Variants in SMYD3 observed in about 807,000 individuals in gnomAD.
SMYD3 encodes the protein histone-lysine N-methyltransferase SMYD3.
In SMYD3, 36 loss-of-function variants were observed where a neutral mutation model predicts 57.7. The observed-to-expected ratio is 0.62, with a 90% confidence interval of 0.48 to 0.82. The LOEUF is 0.82. SMYD3 is among the 40% of genes least tolerant of loss of function. The pLI is 0.00. For synonymous variants in SMYD3, 211 were observed against 195.0 expected (o/e 1.08, Z -0.68); for missense variants, 515 against 538.8 (o/e 0.96, Z 0.44).
intron 5 of SMYD3, among the ~76,000 whole-genome samples, chr1:246,299,675 A>T (rs1439361257): frequency 6.6e-6 from 1 of 152,122 alleles, no homozygotes; most frequent in Non-Finnish European, 1.5e-5. Flanking sequence ...AGGAGATGGT[A>T]TCCTTTGCAA....
At chr1:245,891,453 C>A (rs2053380584) in intron 8 of SMYD3, among the ~76,000 whole-genome samples, 1 of 152,142 alleles carries the variant, frequency 6.6e-6, no homozygotes, top group South Asian at 2.1e-4. Flanking sequence ...CAGAGACAGC[C>A]CAGGATGACA....
At chr1:245,793,307 A>C (rs2047380148) in intron 10 of SMYD3, among the ~76,000 whole-genome samples, 1 of 151,980 alleles carries the variant, frequency 6.6e-6, no homozygotes, top group Non-Finnish European at 1.5e-5. Context: ...TCCCAAAAAA[A>C]AAAACAACAA....
At chr1:246,320,977 A>G (rs751860272) in intron 5 of SMYD3, among the ~76,000 whole-genome samples, 2 of 152,232 alleles carry the variant, frequency 1.3e-5, no homozygotes, top group East Asian at 3.8e-4. Flanking sequence ...CTACTTTTAC[A>G]TTTCCCACGT....
At chr1:246,497,180 C>G (rs1230964966) in intron 1 of SMYD3, among the ~76,000 whole-genome samples, 1 of 152,204 alleles carries the variant, frequency 6.6e-6, no homozygotes, top group Non-Finnish European at 1.5e-5. Context: ...CCCTCCAGAT[C>G]ATACCAACTC....
At chr1:246,413,049 TC>T (rs1340817561) in intron 1 of SMYD3, among the ~76,000 whole-genome samples, 6 of 152,176 alleles carry the variant, frequency 3.9e-5, no homozygotes, top group Admixed American at 1.3e-4. Flanking sequence ...ACCTCCACCC[TC>T]ACCCTCAACC....
intron 5 of SMYD3, among the ~76,000 whole-genome samples, chr1:246,178,144 G>A (rs1004058999): frequency 2.0e-4 from 31 of 152,202 alleles, no homozygotes; most frequent in African/African-American, 7.0e-4. Flanking sequence ...AATGGCAGGA[G>A]GAGGGAGCTT....
At chr1:246,455,157 A>C (rs1311681990) in intron 1 of SMYD3, among the ~76,000 whole-genome samples, 2 of 152,196 alleles carry the variant, frequency 1.3e-5, no homozygotes, top group African/African-American at 4.8e-5. Context: ...CCCTGATCTG[A>C]AAGAGCTCAT....
chr1:246,101,778 G>A (rs988288301), intron 5 of SMYD3, among the ~76,000 whole-genome samples: 1 of 152,142 alleles, frequency 6.6e-6, no homozygotes, highest in Non-Finnish European at 1.5e-5. Flanking sequence ...ACTCTTCCCG[G>A]TAGGCAAGCG....
intron 1 of SMYD3, among the ~76,000 whole-genome samples, chr1:246,480,033 AT>A (rs1261667507): frequency 1.3e-5 from 2 of 152,176 alleles, no homozygotes; most frequent in African/African-American, 4.8e-5. Context: ...CAGCCTGTGT[AT>A]TTTTAGGTAT....
At chr1:245,857,547 G>T (rs555511187) in intron 10 of SMYD3, among the ~76,000 whole-genome samples, 1 of 44,668 alleles carries the variant, frequency 2.2e-5, no homozygotes, top group South Asian at 4.9e-4. Flanking sequence ...TATTTGCACA[G>T]TCTGCAAAGC....
chr1:245,990,343 C>T (rs148665193), intron 5 of SMYD3, among the ~76,000 whole-genome samples: 1,836 of 152,322 alleles, frequency 0.012, 35 homozygotes, highest in African/African-American at 0.042. Context: ...CCCGCCTGGG[C>T]ATCCCAAAGT....
At chr1:246,485,314 CCTAAA>C (rs1461714640) in intron 1 of SMYD3, among the ~76,000 whole-genome samples, 2 of 152,240 alleles carry the variant, frequency 1.3e-5, no homozygotes, top group Non-Finnish European at 2.9e-5. Flanking sequence ...AACCAAAATA[CCTAAA>C]CTATTGCACT....
chr1:246,197,528 G>A (rs1194133781), intron 5 of SMYD3, among the ~76,000 whole-genome samples: 2 of 151,976 alleles, frequency 1.3e-5, no homozygotes, highest in African/African-American at 4.8e-5. Context: ...CGTAAGGTAC[G>A]TTCTACAAAA....
intron 5 of SMYD3, among the ~76,000 whole-genome samples, chr1:246,189,535 G>C (rs1015724072): frequency 1.3e-5 from 2 of 152,164 alleles, no homozygotes; most frequent in Non-Finnish European, 2.9e-5. Context: ...GGACATATAA[G>C]ACAAAATAGG....
intron 3 of SMYD3, among the ~76,000 whole-genome samples, chr1:246,331,468 A>G (rs146316368): frequency 6.6e-5 from 10 of 152,340 alleles, no homozygotes; most frequent in African/African-American, 2.4e-4. Context: ...TACCTCAGAG[A>G]TAGAACCTCC....
At chr1:246,007,498 G>A (rs2059196124) in intron 5 of SMYD3, among the ~76,000 whole-genome samples, 1 of 152,044 alleles carries the variant, frequency 6.6e-6, no homozygotes, top group African/African-American at 2.4e-5. Context: ...AATAAAAGGA[G>A]ATGAAAGGAC....
chr1:246,220,991 C>T (rs949428114), intron 5 of SMYD3, among the ~76,000 whole-genome samples: 2 of 151,480 alleles, frequency 1.3e-5, no homozygotes, highest in Non-Finnish European at 2.9e-5. Flanking sequence ...AGAGAACAGA[C>T]AGATGATGGG....
At chr1:246,468,852 T>C (rs2067919025) in intron 1 of SMYD3, among the ~76,000 whole-genome samples, 1 of 152,066 alleles carries the variant, frequency 6.6e-6, no homozygotes, top group African/African-American at 2.4e-5. Flanking sequence ...GGTACATGCC[T>C]GGAGTCCTAG....
intron 10 of SMYD3, among the ~76,000 whole-genome samples, chr1:245,847,812 TA>T (rs1041749807): frequency 7.9e-5 from 12 of 151,624 alleles, no homozygotes; most frequent in African/African-American, 2.4e-4. Context: ...TTGTTCAAGT[TA>T]AAAAAAAATT....
Sources: gnomAD v4.1 joint callset for allele counts (sites outside exome capture counted in the v4.1 genomes callset) on GRCh38, gnomAD v4.1.1 for gene constraint, MANE v1.5 for transcripts, NCBI Gene and HGNC (gene_info 2026-07-23, HGNC 2026-07-21) for gene names.